ATP8B4: variants seen among roughly 807,000 people sequenced by gnomAD.
ATP8B4 encodes probable phospholipid-transporting ATPase IM.
A neutral mutation model predicts 145.6 loss-of-function variants in ATP8B4; 133 were observed. The ratio of observed to expected loss-of-function variants is 0.91; its 90% CI spans 0.79 to 1.05. The LOEUF is 1.05. Ranked by LOEUF, ATP8B4 falls within the 50% of genes least tolerant of loss-of-function variation. The pLI, the probability that ATP8B4 is intolerant of heterozygous loss-of-function variation, is 0.00. For missense variants in ATP8B4, 1,458 were observed against 1,425.2 expected (o/e 1.02, Z -0.37); for synonymous variants, 507 against 492.9 (o/e 1.03, Z -0.38).
intron 27 of ATP8B4, among the ~76,000 whole-genome samples, chr15:49,861,013 T>C (rs904007750): frequency 5.9e-5 from 9 of 151,986 alleles, no homozygotes; most frequent in Admixed American, 5.9e-4. Context: ...ATTATGTGAG[T>C]AGGTTTCCCA....
chr15:49,922,874 C>A (rs112570525), intron 17 of ATP8B4, among the ~76,000 whole-genome samples: 5 of 152,186 alleles, frequency 3.3e-5, no homozygotes, highest in Admixed American at 1.3e-4. Flanking sequence ...AGTGACTCAT[C>A]ATGATTTATG....
intron 20 of ATP8B4, among the ~76,000 whole-genome samples, chr15:49,907,318 G>T (rs1005771055): frequency 2.0e-5 from 3 of 152,214 alleles, no homozygotes; most frequent in African/African-American, 7.2e-5. Flanking sequence ...TTGCATGCCT[G>T]AGCACACTCT....
chr15:50,133,005 T>G (rs920750737), intron 1 of ATP8B4, among the ~76,000 whole-genome samples: 1 of 151,856 alleles, frequency 6.6e-6, no homozygotes, highest in African/African-American at 2.4e-5. Flanking sequence ...GAATACCTAA[T>G]GTAGATGATG....
chr15:49,994,998 C>T (rs1413983808), intron 9 of ATP8B4, among the ~76,000 whole-genome samples: 1 of 152,102 alleles, frequency 6.6e-6, no homozygotes, highest in Non-Finnish European at 1.5e-5. Context: ...ACTGTGGCTC[C>T]ATGATGGAGA....
At chr15:50,175,796 C>T (rs181670025) in intron 1 of ATP8B4, among the ~76,000 whole-genome samples, 1 of 152,272 alleles carries the variant, frequency 6.6e-6, no homozygotes, top group East Asian at 1.9e-4. Context: ...GTGGCGATCC[C>T]TTAAAGAACT....
intron 2 of ATP8B4, among the ~76,000 whole-genome samples, chr15:50,092,237 G>A (rs1412154163): frequency 6.6e-6 from 1 of 151,968 alleles, no homozygotes; most frequent in Non-Finnish European, 1.5e-5. Flanking sequence ...GTCCCTGATT[G>A]GATCAAGACA....
At chr15:49,878,339 T>G (rs1313306408) in intron 24 of ATP8B4, among the ~76,000 whole-genome samples, 2 of 152,154 alleles carry the variant, frequency 1.3e-5, no homozygotes, top group Non-Finnish European at 2.9e-5. Context: ...TTTCGCAAAC[T>G]GCCCTTTTTA....
chr15:49,961,726 T>C (rs2044096904), intron 14 of ATP8B4, among the ~76,000 whole-genome samples: 1 of 152,196 alleles, frequency 6.6e-6, no homozygotes, highest in African/African-American at 2.4e-5. Context: ...TTTCTCACTA[T>C]GTAAAAGGTG....
intron 1 of ATP8B4, among the ~76,000 whole-genome samples, chr15:50,159,686 G>A (rs1398356169): frequency 6.6e-6 from 1 of 152,070 alleles, no homozygotes; most frequent in East Asian, 1.9e-4. Context: ...GTTTTTGAGG[G>A]ATGTTGAATT....
chr15:49,866,839 C>A (rs1434871971), intron 25 of ATP8B4, among the ~76,000 whole-genome samples: 1 of 152,130 alleles, frequency 6.6e-6, no homozygotes, highest in African/African-American at 2.4e-5. Context: ...CAAAACTTTT[C>A]TATTGGAAAA....
chr15:50,136,422 A>G (rs769113937), intron 1 of ATP8B4, among the ~76,000 whole-genome samples: 7 of 152,216 alleles, frequency 4.6e-5, no homozygotes, highest in Non-Finnish European at 8.8e-5. Context: ...CAGGAGAAAA[A>G]TTAAAAAGCC....
intron 25 of ATP8B4, among the ~76,000 whole-genome samples, chr15:49,871,580 G>C (rs1161385485): frequency 6.6e-6 from 1 of 152,192 alleles, no homozygotes; most frequent in East Asian, 1.9e-4. Context: ...GGCCTGCTTT[G>C]GTCATCTAGG....
chr15:50,084,454 C>T (rs917088628), intron 2 of ATP8B4, among the ~76,000 whole-genome samples: 2 of 152,152 alleles, frequency 1.3e-5, no homozygotes, highest in East Asian at 3.9e-4. Flanking sequence ...CCACCATCCT[C>T]GAGGCCCAGG....
In ATP8B4 at chr15:49,987,415, A is replaced by G; in HGVS notation, c.724T>C (p.Cys242Arg). Reference sequence around the variant, plus strand: ...CCTGCAAAAATAACCATTCCAAAACACCAGCTGGTATTTCTCAGGATGCAG... The same window carrying G: ...CCTGCAAAAATAACCATTCCAAAACGCCAGCTGGTATTTCTCAGGATGCAG... ...RGCILRNTSW[C>R]FGMVIFAGPD... The change falls in exon 10 of 28, where the codon TGT (cysteine) becomes CGT (arginine). Residue 242 changes from cysteine to arginine, a missense_variant. Coordinates refer to ENST00000284509, the MANE Select transcript of ATP8B4 (RefSeq NM_024837.4). The G allele has an allele frequency of 6.2e-7, 1 of 1,613,736 alleles. No individual in the cohort carries two copies. The highest frequency in any genetic ancestry group is 8.5e-7 in the Non-Finnish European group (1 of 1,179,766).
At chr15:50,137,721 T>C (rs1567402589) in intron 1 of ATP8B4, among the ~76,000 whole-genome samples, 1 of 152,214 alleles carries the variant, frequency 6.6e-6, no homozygotes, top group Non-Finnish European at 1.5e-5. Context: ...ATGCTTCTTC[T>C]TGTGAAGTGA....
rs377164679 is a variant in ATP8B4 at position 49,986,654 on chromosome 15, G to A, written c.748+737C>T. 5.9e-5 allele frequency among the ~76,000 whole-genome samples: 9 copies of A among 152,308 alleles called. No homozygotes were observed. The East Asian group carries it at 1.2e-3, about 20-fold the overall frequency. Reference sequence around the variant, plus strand: ...AATTTTGATTGCACATAGTCAAGAGGCCCAAAACACATCTTAATTTGGTGT... The same window carrying A: ...AATTTTGATTGCACATAGTCAAGAGACCCAAAACACATCTTAATTTGGTGT... On this transcript the variant is annotated intron_variant, in intron 10 of 27. Coordinates refer to ENST00000284509, the MANE Select transcript of ATP8B4 (RefSeq NM_024837.4).
intron 12 of ATP8B4, among the ~76,000 whole-genome samples, chr15:49,973,273 T>C (rs2045341850): frequency 6.6e-6 from 1 of 152,200 alleles, no homozygotes; most frequent in Non-Finnish European, 1.5e-5. Flanking sequence ...TAAACTGCTG[T>C]GCAGTTCACA....
At chr15:49,926,146 A>G (rs1222436194) in intron 16 of ATP8B4, among the ~76,000 whole-genome samples, 1 of 152,066 alleles carries the variant, frequency 6.6e-6, no homozygotes, top group South Asian at 2.1e-4. Context: ...CTCCTGTCCA[A>G]TCCATCTCTA....
At chr15:50,066,974 T>C (rs2053426648) in intron 3 of ATP8B4, among the ~76,000 whole-genome samples, 1 of 152,166 alleles carries the variant, frequency 6.6e-6, no homozygotes, top group East Asian at 1.9e-4. Flanking sequence ...AGACGTTCCC[T>C]TCCTTAACAC....
Sources: gnomAD v4.1 joint callset for allele counts (sites outside exome capture counted in the v4.1 genomes callset) on GRCh38, gnomAD v4.1.1 for gene constraint, MANE v1.5 for transcripts, NCBI Gene and HGNC (gene_info 2026-07-23, HGNC 2026-07-21) for gene names.